The following FANK1 variants were observed in gnomAD, a reference collection of about 807,000 sequenced individuals.
The protein encoded by FANK1 is fibronectin type 3 and ankyrin repeat domains protein 1.
A neutral mutation model predicts 45.3 loss-of-function variants in FANK1; 44 were observed. That is an observed-to-expected ratio of 0.97 (90% CI 0.76 to 1.25). FANK1 has a LOEUF of 1.25. FANK1 is among the 50% of genes most tolerant of loss of function. FANK1 has a pLI of 0.00. For synonymous variants in FANK1, 149 were observed against 152.5 expected (o/e 0.98, Z 0.17); for missense variants, 391 against 424.4 (o/e 0.92, Z 0.69).
intron 1 of FANK1, among the ~76,000 whole-genome samples, chr10:125,965,936 A>G (rs1444541131): frequency 6.6e-6 from 1 of 152,204 alleles, no homozygotes; most frequent in East Asian, 1.9e-4. Context: ...TCCTTTATAC[A>G]TTTCAAATCA....
At position 126,009,447 on chromosome 10, in the gene FANK1, C is replaced by T; in HGVS notation, c.*9C>T. On this transcript the variant is annotated 3_prime_UTR_variant, in exon 11 of 11. Transcript: ENST00000368693. ...AGTCTTGTGTCTGCTGATGAGAGCA[C>T]CACTCATCTGCGAAACGCACGTAAA... 1.2e-6 allele frequency: 2 copies of T among 1,612,346 alleles called. No homozygotes were observed. Among genetic ancestry groups the T allele is most frequent in the Non-Finnish European group, 8.5e-7 (1 of 1,179,514 alleles).
intron 3 of FANK1, among the ~76,000 whole-genome samples, chr10:125,991,771 C>T (rs1002597775): frequency 3.9e-5 from 6 of 152,178 alleles, no homozygotes; most frequent in Non-Finnish European, 5.9e-5. Context: ...CCAATGAGCT[C>T]GTGATTTATT....
chr10:125,906,472 C>T (rs61873385), intron 1 of FANK1, among the ~76,000 whole-genome samples: 11 of 136,480 alleles, frequency 8.1e-5, no homozygotes, highest in Non-Finnish European at 1.4e-4. Flanking sequence ...GCCAAGATCA[C>T]GCTGCTGCAT....
At position 125,997,488 on chromosome 10, in the gene FANK1, A is replaced by G. The variant is rs1564962922; in HGVS notation, c.539+3A>G. The G allele has an allele frequency of 1.9e-6, 3 of 1,613,324 alleles. No individual in the cohort carries two copies. The highest frequency in any genetic ancestry group is 2.5e-6 in the Non-Finnish European group (3 of 1,179,518). ...AAGAATGGAAGTGGCAAGGACAGGT[A>G]GGAGGTGGGATATGACTGAAATTGT... On this transcript the variant is annotated splice_donor_region_variant and intron_variant, in intron 6 of 10. Transcript: ENST00000368693.
Position 125,980,285 on chromosome 10 carries a change from G to C in FANK1, c.138G>C (p.Arg46Ser), listed in dbSNP as rs17153882. 0.03 allele frequency: 48,667 copies of C among 1,614,014 alleles called. 917 individuals carry two copies. The highest frequency in any genetic ancestry group is 0.035 in the Non-Finnish European group (41,420 of 1,179,960). The change falls in exon 2 of 11, where the codon AGG (arginine) becomes AGC (serine). Residue 46 changes from arginine (R) to serine (S), a missense_variant. By Grantham distance (110) the Arg-to-Ser change is moderately radical. Transcript: ENST00000368693. Reference sequence around the variant, plus strand: ...AAGGACCTCAAGAGCAGTGGTTCAGGTTCTCGATTGAAGAAGAAGACCCCA... The same window carrying C: ...AAGGACCTCAAGAGCAGTGGTTCAGCTTCTCGATTGAAGAAGAAGACCCCA... The part of the protein sequence containing the change: ...KRQGPQEQWF[R>S]FSIEEEDPKM...
At chr10:125,921,458 A>G (rs1564874571) in intron 1 of FANK1, among the ~76,000 whole-genome samples, 2 of 152,096 alleles carry the variant, frequency 1.3e-5, no homozygotes, top group Non-Finnish European at 2.9e-5. Flanking sequence ...ACTTTTTGGT[A>G]AATTATAAGT....
chr10:125,973,067 G>A (rs1404154438), intron 1 of FANK1: 1 of 152,286 alleles, frequency 6.6e-6, no homozygotes, highest in Non-Finnish European at 1.5e-5. Flanking sequence ...AGCTCTGGTG[G>A]CAGTGGGCCA....
rs142716284 is a variant in FANK1, at chr10:125,919,195, ATTTTTT to A, written c.13+22563_13+22568del. The stretch of plus-strand genomic sequence containing the variant: ...AGTAAAATACTTCCAGGAGGTAAGA[ATTTTTT>A]TTTTTTTTTTTTTTTTTTTTTTGTG... On this transcript the variant is annotated intron_variant, in intron 1 of 10. Coordinates refer to ENST00000368693, the MANE Select transcript of FANK1 (RefSeq NM_145235.5). Among the ~76,000 whole-genome samples the A allele has an allele frequency of 7.6e-3, 393 of 51,864 alleles. 3 individuals are homozygous for A. Among genetic ancestry groups the A allele is most frequent in the Non-Finnish European group, 0.011 (327 of 29,802 alleles). 34.0% of individuals were successfully genotyped at this position (51,864 alleles called of 152,430 possible). A position where few individuals can be genotyped will look rare whatever the true frequency, so the allele number is the denominator to read the frequency against.
chr10:125,960,214 G>A, intron 1 of FANK1: 1 of 272,604 alleles, frequency 3.7e-6, no homozygotes. Flanking sequence ...GTAAAGCACA[G>A]GATCTGGACT....
Position 126,009,582 on chromosome 10 carries a change from T to G in FANK1, c.*144T>G. 1.2e-6 allele frequency: 1 copy of G among 837,534 alleles called. No homozygotes were observed. Among genetic ancestry groups the G allele is most frequent in the East Asian group, 2.6e-5 (1 of 37,902 alleles). The allele number at this position is 837,534 out of a possible 1,614,324, so 51.9% of individuals were successfully genotyped here. A position where few individuals can be genotyped will look rare whatever the true frequency, so the allele number is the denominator to read the frequency against. The stretch of plus-strand genomic sequence containing the variant: ...CACTGATCCCACTTTGAAATACATC[T>G]TTTTACCTAAGCATGTGCGTATGTG... On this transcript the variant is annotated 3_prime_UTR_variant, in exon 11 of 11. Transcript: ENST00000368693.
At chr10:125,932,683 T>G (rs1259866053) in intron 1 of FANK1, among the ~76,000 whole-genome samples, 1 of 152,182 alleles carries the variant, frequency 6.6e-6, no homozygotes, top group Non-Finnish European at 1.5e-5. Context: ...TGACTTCCTC[T>G]TTACCGATTT....
intron 1 of FANK1, among the ~76,000 whole-genome samples, chr10:125,935,913 G>T (rs1554921718): frequency 2.6e-5 from 4 of 152,066 alleles, no homozygotes. Flanking sequence ...ATTATATGAA[G>T]ACTACATTTT....
At chr10:125,916,849 C>T (rs1946483950) in intron 1 of FANK1, among the ~76,000 whole-genome samples, 1 of 152,214 alleles carries the variant, frequency 6.6e-6, no homozygotes, top group Admixed American at 6.5e-5. Flanking sequence ...CCTTCCCACC[C>T]TCTTCTCTGA....
chr10:125,995,017 TGTC>T (rs1952217140), intron 3 of FANK1: 1 of 875,600 alleles, frequency 1.1e-6, no homozygotes, highest in Non-Finnish European at 1.3e-6. Flanking sequence ...TAAAGCACTT[TGTC>T]TTTTTTTTTT....
At chr10:125,934,358 GTAT>G (rs539446025) in intron 1 of FANK1, among the ~76,000 whole-genome samples, 115 of 152,162 alleles carry the variant, frequency 7.6e-4, no homozygotes, top group Admixed American at 1.5e-3. Context: ...CCCTAAACAC[GTAT>G]TATTATAATT....
intron 1 of FANK1, among the ~76,000 whole-genome samples, chr10:125,954,334 C>A (rs1166086935): frequency 6.6e-6 from 1 of 152,148 alleles, no homozygotes; most frequent in African/African-American, 2.4e-5. Context: ...GAACGAAGAG[C>A]AAGGATGCTG....
intron 1 of FANK1, among the ~76,000 whole-genome samples, chr10:125,930,379 C>T (rs1290554926): frequency 6.6e-6 from 1 of 151,996 alleles, no homozygotes; most frequent in Non-Finnish European, 1.5e-5. Flanking sequence ...CTGTGTCACC[C>T]CAGCTGGAGT....
At chr10:125,916,100 C>T (rs1393232746) in intron 1 of FANK1, among the ~76,000 whole-genome samples, 1 of 151,818 alleles carries the variant, frequency 6.6e-6, no homozygotes, top group Admixed American at 6.6e-5. Flanking sequence ...AGTAGTGGTG[C>T]AATCTCAGCT....
chr10:125,944,898 G>A (rs1040762773), intron 1 of FANK1, among the ~76,000 whole-genome samples: 4 of 152,110 alleles, frequency 2.6e-5, no homozygotes, highest in Admixed American at 6.5e-5. Flanking sequence ...TGAAGGCTGC[G>A]AGACCCCTGA....
Sources: gnomAD v4.1 joint callset for allele counts (sites outside exome capture counted in the v4.1 genomes callset) on GRCh38, gnomAD v4.1.1 for gene constraint, MANE v1.5 for transcripts, NCBI Gene and HGNC (gene_info 2026-07-23, HGNC 2026-07-21) for gene names.